The following FIRRM variants were observed in gnomAD, a reference collection of about 807,000 sequenced individuals.
FIRRM encodes the protein FIGNL1-interacting regulator of recombination and mitosis.
At chr1:169,832,970 T>C in the FIRRM span, among the ~76,000 whole-genome samples, 4 of 152,174 alleles carry the variant, frequency 2.6e-5, no homozygotes, top group Non-Finnish European at 5.9e-5. Context: ...CGTTGATTGC[T>C]GTGCTTGTTG....
At chr1:169,795,468 T>G in the FIRRM span, 7 of 1,279,576 alleles carry the variant, frequency 5.5e-6, no homozygotes, top group Non-Finnish European at 5.9e-6. Context: ...GCAGTGGATG[T>G]GGCGTTTTCT....
chr1:169,845,201 C>T, the FIRRM span, among the ~76,000 whole-genome samples: 1 of 152,158 alleles, frequency 6.6e-6, no homozygotes, highest in African/African-American at 2.4e-5. Context: ...TATGTTTACA[C>T]TATACTGTAG....
the FIRRM span, among the ~76,000 whole-genome samples, chr1:169,819,541 G>A: frequency 6.6e-6 from 1 of 152,114 alleles, no homozygotes; most frequent in Non-Finnish European, 1.5e-5. Context: ...TTAATTCTTG[G>A]GGTTCCATGA....
the FIRRM span, among the ~76,000 whole-genome samples, chr1:169,789,713 GA>G: frequency 6.6e-6 from 1 of 152,186 alleles, no homozygotes; most frequent in African/African-American, 2.4e-5. Context: ...AGAGAGTGGA[GA>G]TTAATGGTGG....
At chr1:169,798,671 A>G in the FIRRM span, among the ~76,000 whole-genome samples, 1 of 152,228 alleles carries the variant, frequency 6.6e-6, no homozygotes, top group Non-Finnish European at 1.5e-5. Flanking sequence ...ATGACTATGC[A>G]TAGTTTGAAA....
the FIRRM span, chr1:169,843,710 C>T: frequency 1.2e-6 from 2 of 1,613,192 alleles, no homozygotes; most frequent in South Asian, 1.1e-5. Flanking sequence ...GACATTCAGC[C>T]TTTTACTTCC....
the FIRRM span, among the ~76,000 whole-genome samples, chr1:169,807,300 T>A: frequency 6.6e-6 from 1 of 152,358 alleles, no homozygotes; most frequent in East Asian, 1.9e-4. Context: ...TTAAGAGTTA[T>A]ATCTTCATGA....
the FIRRM span, chr1:169,843,632 G>A: frequency 8.5e-7 from 1 of 1,171,998 alleles, no homozygotes; most frequent in Admixed American, 1.7e-5. Context: ...TTATTCTTAT[G>A]TGATTGAAAA....
chr1:169,847,336 AAAAAGC>A, the FIRRM span, among the ~76,000 whole-genome samples: 2 of 133,650 alleles, frequency 1.5e-5, no homozygotes, highest in Admixed American at 1.5e-4. Flanking sequence ...AAAAAAAAAA[AAAAAGC>A]AGTATCTTCA....
At chr1:169,835,286 TAGAA>T in the FIRRM span, among the ~76,000 whole-genome samples, 5 of 152,184 alleles carry the variant, frequency 3.3e-5, no homozygotes, top group African/African-American at 9.6e-5. Context: ...AAAATGCTAA[TAGAA>T]AGATGTTAGA....
chr1:169,816,582 TG>T, the FIRRM span, among the ~76,000 whole-genome samples: 867 of 152,336 alleles, frequency 5.7e-3, 3 homozygotes, highest in South Asian at 7.2e-3. Context: ...AAATTGGCTT[TG>T]ATGGAACTCT....
chr1:169,790,087 C>A, the FIRRM span, among the ~76,000 whole-genome samples: 2 of 152,248 alleles, frequency 1.3e-5, no homozygotes, highest in East Asian at 1.9e-4. Flanking sequence ...GGATTTGTAG[C>A]CATAATTTGT....
the FIRRM span, among the ~76,000 whole-genome samples, chr1:169,789,490 G>A: frequency 2.0e-5 from 3 of 152,290 alleles, no homozygotes; most frequent in Admixed American, 6.5e-5. Flanking sequence ...TGGACAGAAC[G>A]TCGTCTGTGG....
chr1:169,787,582 G>A, the FIRRM span, among the ~76,000 whole-genome samples: 1 of 152,140 alleles, frequency 6.6e-6, no homozygotes, highest in Non-Finnish European at 1.5e-5. Context: ...ATACTCTGCA[G>A]TTAAGACTAT....
chr1:169,853,065 T>C, the FIRRM span: 2 of 1,414,006 alleles, frequency 1.4e-6, no homozygotes, highest in Middle Eastern at 2.0e-4. Flanking sequence ...CTAACAGATA[T>C]AAAACAAATT....
chr1:169,797,720 A>G, the FIRRM span, among the ~76,000 whole-genome samples: 1 of 151,716 alleles, frequency 6.6e-6, no homozygotes, highest in African/African-American at 2.4e-5. Flanking sequence ...AATTTTTTGT[A>G]TCTTTAGTAG....
At chr1:169,837,931 C>G in the FIRRM span, among the ~76,000 whole-genome samples, 1,577 of 152,210 alleles carry the variant, frequency 0.01, 62 homozygotes, top group East Asian at 0.12. Context: ...GACACTTGAT[C>G]ATAATTATTA....
the FIRRM span, chr1:169,851,901 G>A: frequency 6.2e-7 from 1 of 1,614,056 alleles, no homozygotes; most frequent in Non-Finnish European, 8.5e-7. Context: ...CTTTGCTAAT[G>A]TGACTGTAGA....
chr1:169,845,443 CT>C, the FIRRM span, among the ~76,000 whole-genome samples: 1 of 152,298 alleles, frequency 6.6e-6, no homozygotes, highest in Non-Finnish European at 1.5e-5. Flanking sequence ...TCAATTGACT[CT>C]TCCCTTCATG....
Sources: allele counts gnomAD v4.1 joint callset (sites outside exome capture counted in the v4.1 genomes callset), GRCh38; gene constraint gnomAD v4.1.1; transcripts MANE v1.5; gene names NCBI Gene and HGNC (gene_info 2026-07-23, HGNC 2026-07-21).